The following SRGAP3 variants were observed in gnomAD, a reference collection of about 807,000 sequenced individuals.
SRGAP3 encodes the protein SLIT-ROBO Rho GTPase-activating protein 3.
In SRGAP3, 39 loss-of-function variants were observed where a neutral mutation model predicts 121.1. That is an observed-to-expected ratio of 0.32 (90% confidence interval 0.25 to 0.42). The LOEUF (loss-of-function observed/expected upper bound fraction) is 0.42. Among genes scored for constraint, SRGAP3 ranks in the 10% least tolerant of loss-of-function variants. The probability of loss-of-function intolerance (pLI) is 1.00; values close to 1 mark genes in which losing one functional copy is unlikely to be tolerated. For synonymous variants in SRGAP3, 601 were observed against 570.0 expected (o/e 1.05, Z -0.77); for missense variants, 1,213 against 1,470.6 (o/e 0.82, Z 2.86).
At chr3:9,273,056 G>A (rs1178967196) in intron 3 of SRGAP3, among the ~76,000 whole-genome samples, 1 of 152,130 alleles carries the variant, frequency 6.6e-6, no homozygotes, top group African/African-American at 2.4e-5. Flanking sequence ...CTTTTCCAAG[G>A]ACGAGGTTGC....
In SRGAP3 at chr3:9,014,163, G is replaced by A. The variant is rs938981483; in HGVS notation, c.1814-321C>T. 8.1e-4 allele frequency: 345 copies of A among 426,030 alleles called. 3 individuals are homozygous for A. The highest frequency in any genetic ancestry group is 7.0e-4 in the African/African-American group (35 of 49,660). The allele number at this position is 426,030 out of a possible 1,614,324, so 26.4% of individuals were successfully genotyped here. A position where few individuals can be genotyped will look rare whatever the true frequency, so the allele number is the denominator to read the frequency against. On this transcript the variant is annotated intron_variant, in intron 15 of 21. Coordinates refer to ENST00000383836, the MANE Select transcript of SRGAP3 (RefSeq NM_014850.4). Reference sequence around the variant, plus strand: ...AGCACAGTGGGGGCCCCTGAGAGGAGGATCCCACCTAAGAGTGAAGCTGGC... The same window carrying A: ...AGCACAGTGGGGGCCCCTGAGAGGAAGATCCCACCTAAGAGTGAAGCTGGC...
At chr3:9,034,621 G>C (rs1224525469) in intron 11 of SRGAP3, 2 of 152,200 alleles carry the variant, frequency 1.3e-5, no homozygotes, top group African/African-American at 2.4e-5. Flanking sequence ...TAACAGCACA[G>C]ATCAAAATTT....
rs559890051 is a variant in SRGAP3, at chr3:9,063,840, A to G, written c.672+556T>C. Among the ~76,000 whole-genome samples the G allele has an allele frequency of 2.0e-5, 3 of 152,210 alleles. No homozygotes were observed. In the South Asian group the frequency reaches 6.2e-4, roughly 32 times the overall value. On this transcript the variant is annotated intron_variant, in intron 5 of 21. Coordinates refer to ENST00000383836, the MANE Select transcript of SRGAP3 (RefSeq NM_014850.4). Reference sequence around the variant, plus strand: ...TGACTCCAAAGCTAGAATTCCTCCCACCACACCCTACTAAAGGACTTTTCC... The same window carrying G: ...TGACTCCAAAGCTAGAATTCCTCCCGCCACACCCTACTAAAGGACTTTTCC...
chr3:9,216,417 C>G (rs186774834), intron 1 of SRGAP3, among the ~76,000 whole-genome samples: 1 of 152,324 alleles, frequency 6.6e-6, no homozygotes, highest in East Asian at 1.9e-4. Context: ...AACTGCCCCA[C>G]CCAAAACACC....
chr3:8,994,282 C>T, intron 19 of SRGAP3, 61 bp downstream of exon 19: 1 of 1,604,454 alleles, frequency 6.2e-7, no homozygotes, highest in East Asian at 2.2e-5. Context: ...CCCTACGGTG[C>T]CCATCCCAGA....
At position 9,110,332 on chromosome 3, in the gene SRGAP3, C is replaced by G. The variant is rs1019580468; in HGVS notation, c.261-5490G>C. Among the ~76,000 whole-genome samples, 3 of 152,062 alleles carry G rather than the reference C, an allele frequency of 2.0e-5. No individual in the cohort carries two copies. In the East Asian group the frequency reaches 5.8e-4, roughly 29 times the overall value. On this transcript the variant is annotated intron_variant, in intron 2 of 21. Coordinates refer to ENST00000383836, the MANE Select transcript of SRGAP3 (RefSeq NM_014850.4). Reference sequence around the variant, plus strand: ...GAGGATGATGAGTTCGAGTCGAACACGACGAGTCTAAAAGGCTGTGGGGCA... The same window carrying G: ...GAGGATGATGAGTTCGAGTCGAACAGGACGAGTCTAAAAGGCTGTGGGGCA...
At chr3:9,055,451 A>G (rs901834835) in intron 8 of SRGAP3, among the ~76,000 whole-genome samples, 6 of 152,214 alleles carry the variant, frequency 3.9e-5, no homozygotes, top group African/African-American at 1.4e-4. Flanking sequence ...AGGTTGGAAT[A>G]GGATGTTTCC....
chr3:9,247,733 G>A (rs1953873165), intron 1 of SRGAP3, among the ~76,000 whole-genome samples: 1 of 152,198 alleles, frequency 6.6e-6, no homozygotes, highest in African/African-American at 2.4e-5. Flanking sequence ...CGCTGAAGAT[G>A]CATTTTGTCT....
Position 9,060,380 on chromosome 3 carries a change from A to C in SRGAP3, c.673-21T>G, listed in dbSNP as rs375337154. On this transcript the variant is annotated intron_variant, in intron 5 of 21. Transcript: ENST00000383836. Reference sequence around the variant, plus strand: ...TGCCTCTGGAAGAAGAAAAGAGTAGATGTAAGAGCAAGCCATTTAAGAGGA... The same window carrying C: ...TGCCTCTGGAAGAAGAAAAGAGTAGCTGTAAGAGCAAGCCATTTAAGAGGA... 2.5e-6 allele frequency: 4 copies of C among 1,602,856 alleles called. No individual in the cohort carries two copies. In the African/African-American group the frequency reaches 5.4e-5, roughly 22 times the overall value.
intron 1 of SRGAP3, among the ~76,000 whole-genome samples, chr3:9,126,502 C>T (rs111826920): frequency 0.013 from 2,053 of 152,104 alleles, 47 homozygotes; most frequent in African/African-American, 0.046. Flanking sequence ...TAGTGGCAGG[C>T]GCCTGGAGTC....
chr3:9,020,190 C>T (rs923722736), intron 14 of SRGAP3, among the ~76,000 whole-genome samples: 1 of 152,294 alleles, frequency 6.6e-6, no homozygotes, highest in East Asian at 1.9e-4. Context: ...CTGAGAGATA[C>T]ACTTTCTTCT....
At chr3:9,153,966 C>T (rs1950309994) in intron 1 of SRGAP3, among the ~76,000 whole-genome samples, 1 of 152,014 alleles carries the variant, frequency 6.6e-6, no homozygotes, top group Admixed American at 6.6e-5. Flanking sequence ...GATCCAGCTT[C>T]CCCCCACCAC....
At chr3:9,164,986 G>A (rs1950732365) in intron 1 of SRGAP3, among the ~76,000 whole-genome samples, 1 of 152,258 alleles carries the variant, frequency 6.6e-6, no homozygotes, top group African/African-American at 2.4e-5. Context: ...CCAGGTGAGT[G>A]GAGTCCCATG....
intron 3 of SRGAP3, among the ~76,000 whole-genome samples, chr3:9,300,181 C>CACCACT: frequency 7.7e-6 from 1 of 130,202 alleles, no homozygotes; most frequent in Non-Finnish European, 1.6e-5. Context: ...TCATCATCAC[C>CACCACT]ACCATCATCA....
At chr3:9,116,240 G>T (rs1948799427) in intron 2 of SRGAP3, among the ~76,000 whole-genome samples, 2 of 152,204 alleles carry the variant, frequency 1.3e-5, no homozygotes, top group African/African-American at 4.8e-5. Context: ...ATTGAAGTTT[G>T]CTTCTCTGAA....
chr3:9,235,183 CTG>C (rs987741933), intron 1 of SRGAP3, among the ~76,000 whole-genome samples: 1 of 152,150 alleles, frequency 6.6e-6, no homozygotes, highest in African/African-American at 2.4e-5. Context: ...ACTTGACAAA[CTG>C]TTTATTTTTA....
chr3:9,032,682 G>A lies in SRGAP3; in HGVS notation c.1507C>T (p.Leu503Phe). 1.9e-6 allele frequency: 3 copies of A among 1,613,534 alleles called. No homozygotes were observed. The highest frequency in any genetic ancestry group is 2.5e-6 in the Non-Finnish European group (3 of 1,179,824). ...PRPLSVYSHKLFNGSMEAFIK... is the reference protein window; with the variant it reads ...PRPLSVYSHKFFNGSMEAFIK... ...AATGCTTCCATACTGCCGTTAAAGA[G>A]TTTATGGCTATACACTGAGAGAGGC... The change falls in exon 12 of 22, where the codon CTC (leucine) becomes TTC (phenylalanine). Residue 503 changes from leucine to phenylalanine, a missense_variant. Physicochemically the swap from Leu to Phe is conservative, Grantham distance 22. Around this residue, in one of 2 missense-constraint regions of SRGAP3, gnomAD observed 793 missense variants for 1,032.9 expected, o/e 0.77. Transcript: ENST00000383836.
chr3:9,093,713 C>T (rs955940837), intron 3 of SRGAP3, among the ~76,000 whole-genome samples: 1 of 152,166 alleles, frequency 6.6e-6, no homozygotes, highest in Non-Finnish European at 1.5e-5. Context: ...ATAACATGCA[C>T]CGTCCATCCA....
chr3:9,154,595 T>C (rs1000068518), intron 1 of SRGAP3, among the ~76,000 whole-genome samples: 2 of 152,168 alleles, frequency 1.3e-5, no homozygotes, highest in South Asian at 2.1e-4. Context: ...GTGAAGACTT[T>C]CCTGTTCACG....
Sources: allele counts gnomAD v4.1 joint callset (sites outside exome capture counted in the v4.1 genomes callset), GRCh38; gene constraint gnomAD v4.1.1; regional missense constraint gnomAD v4.1.1; transcripts MANE v1.5; gene names NCBI Gene and HGNC (gene_info 2026-07-23, HGNC 2026-07-21).